Variants in RB1 observed in about 807,000 individuals in gnomAD.
RB1 encodes RB transcriptional corepressor 1.
A neutral mutation model predicts 135.4 loss-of-function variants in RB1; 18 were observed. The ratio of observed to expected loss-of-function variants is 0.13; its 90% CI spans 0.09 to 0.20. The LOEUF (loss-of-function observed/expected upper bound fraction) is 0.20, where lower values mean the gene tolerates loss of function less well. Ranked by LOEUF, RB1 falls within the 10% of genes least tolerant of loss-of-function variation. The pLI, the probability that RB1 is intolerant of heterozygous loss-of-function variation, is 1.00. For synonymous variants in RB1, 365 were observed against 373.2 expected (o/e 0.98, Z 0.25); for missense variants, 868 against 1,110.0 (o/e 0.78, Z 3.10).
intron 17 of RB1, among the ~76,000 whole-genome samples, chr13:48,420,566 G>T (rs147111726): frequency 1.3e-5 from 2 of 152,138 alleles, no homozygotes; most frequent in Non-Finnish European, 2.9e-5. Flanking sequence ...GAAATAAAGC[G>T]TATTCAAGTA....
chr13:48,376,882 A>G (rs1438530409), intron 12 of RB1, 36 bp from the exon 13 acceptor site: 2 of 1,612,268 alleles, frequency 1.2e-6, no homozygotes, highest in South Asian at 1.1e-5. Flanking sequence ...ATTACACAGT[A>G]TCCTCGACAT....
At chr13:48,345,462 T>G (rs1258003486) in intron 4 of RB1, among the ~76,000 whole-genome samples, 2 of 152,212 alleles carry the variant, frequency 1.3e-5, no homozygotes, top group African/African-American at 4.8e-5. Flanking sequence ...ATCTCCCATT[T>G]TAGCCTTCTT....
Position 48,476,929 on chromosome 13 carries a change from A to G in RB1, c.2663+86A>G, listed in dbSNP as rs1949508111. 2.0e-6 allele frequency: 3 copies of G among 1,512,952 alleles called. No homozygotes were observed. In the Admixed American group the frequency reaches 5.0e-5, roughly 25 times the overall value. The allele number at this position is 1,512,952 out of a possible 1,614,324, so 93.7% of individuals were successfully genotyped here. On this transcript the variant is annotated intron_variant, in intron 25 of 26. Transcript: ENST00000267163. ...CTCAGCACTGCTCCTGGCTTATACC[A>G]ATTTCTTTCATGCCAAGTTTATTTG...
At chr13:48,362,303 A>G (rs909147741) in intron 7 of RB1, among the ~76,000 whole-genome samples, 1 of 62,218 alleles carries the variant, frequency 1.6e-5, no homozygotes, top group Admixed American at 2.0e-4. Context: ...AATGCTGAAA[A>G]TAATCCAGGA....
intron 17 of RB1, among the ~76,000 whole-genome samples, chr13:48,433,137 AT>A (rs1949147056): frequency 2.0e-5 from 3 of 152,168 alleles, no homozygotes; most frequent in Non-Finnish European, 1.5e-5. Flanking sequence ...TGATATGAAC[AT>A]ACATGTAAGC....
At chr13:48,380,820 CTG>C (rs1401314328) in intron 16 of RB1, among the ~76,000 whole-genome samples, 4 of 152,040 alleles carry the variant, frequency 2.6e-5, no homozygotes, top group Non-Finnish European at 5.9e-5. Flanking sequence ...ATAAGGAAAA[CTG>C]TGAATCCTCA....
intron 2 of RB1, among the ~76,000 whole-genome samples, chr13:48,320,766 G>C (rs1952227997): frequency 6.6e-6 from 1 of 152,038 alleles, no homozygotes; most frequent in Admixed American, 6.5e-5. Flanking sequence ...GGAAGGTGGA[G>C]GTTGCAGTGA....
In RB1 at chr13:48,368,444, G is replaced by A. The variant is rs1952725665; in HGVS notation, c.1050-83G>A. 5 of 1,544,660 alleles carry A rather than the reference G, an allele frequency of 3.2e-6. No homozygotes were observed. In the South Asian group the frequency reaches 3.5e-5, roughly 11 times the overall value. On this transcript the variant is annotated intron_variant, in intron 10 of 26. Coordinates refer to ENST00000267163, the MANE Select transcript of RB1 (RefSeq NM_000321.3). ...TTTTATATGATTTTATGAGACAACA[G>A]AAGCATTATACTGCTTTTTTGATGC... is the stretch of plus-strand genomic sequence containing the variant.
At chr13:48,477,291 C>A (rs889672329) in intron 25 of RB1, 64 bp from the exon 26 acceptor site, 1 of 1,194,450 alleles carries the variant, frequency 8.4e-7, no homozygotes, top group Non-Finnish European at 1.2e-6. Flanking sequence ...ATCATAGTTA[C>A]TGGAAATTTG....
At chr13:48,339,843 G>C (rs556426160) in intron 2 of RB1, among the ~76,000 whole-genome samples, 31 of 152,278 alleles carry the variant, frequency 2.0e-4, no homozygotes, top group African/African-American at 7.5e-4. Flanking sequence ...ATGATGAGAA[G>C]TGAATCCAAT....
At chr13:48,461,101 CCAT>C (rs1191572263) in intron 20 of RB1, among the ~76,000 whole-genome samples, 2 of 152,074 alleles carry the variant, frequency 1.3e-5, no homozygotes, top group African/African-American at 2.4e-5. Flanking sequence ...ACAAACATCA[CCAT>C]AATCAATTTT....
chr13:48,434,945 A>G (rs959943631), intron 17 of RB1, among the ~76,000 whole-genome samples: 1 of 152,200 alleles, frequency 6.6e-6, no homozygotes, highest in African/African-American at 2.4e-5. Context: ...AATGTACTAC[A>G]GTTTCTTTGG....
At chr13:48,453,684 C>T (rs904397694) in intron 18 of RB1, among the ~76,000 whole-genome samples, 3 of 152,144 alleles carry the variant, frequency 2.0e-5, no homozygotes, top group Non-Finnish European at 4.4e-5. Context: ...AGATCTGTGC[C>T]TTTCTCCAGT....
At chr13:48,423,630 G>A (rs1949039773) in intron 17 of RB1, among the ~76,000 whole-genome samples, 1 of 152,006 alleles carries the variant, frequency 6.6e-6, no homozygotes, top group Admixed American at 6.6e-5. Context: ...TAAAAGTTTC[G>A]AAGGCCATAA....
At chr13:48,336,282 C>G (rs925741190) in intron 2 of RB1, among the ~76,000 whole-genome samples, 2 of 152,164 alleles carry the variant, frequency 1.3e-5, no homozygotes, top group African/African-American at 4.8e-5. Flanking sequence ...CTTTGTACCT[C>G]TGGTAGAATT....
intron 19 of RB1, among the ~76,000 whole-genome samples, chr13:48,458,386 T>C (rs1273599779): frequency 6.6e-6 from 1 of 152,194 alleles, no homozygotes; most frequent in Non-Finnish European, 1.5e-5. Flanking sequence ...TGAAAGACAG[T>C]AAAAGGTCAT....
intron 17 of RB1, chr13:48,408,896 C>T (rs1948763559): frequency 6.6e-6 from 1 of 152,070 alleles, no homozygotes; most frequent in Admixed American, 6.5e-5. Context: ...GATCTTTAAG[C>T]TGAGGAGAGT....
chr13:48,463,842 A>C lies in RB1; in HGVS notation c.2211+7A>C. The C allele has an allele frequency of 6.5e-7, 1 of 1,542,656 alleles. No individual in the cohort carries two copies. The highest frequency in any genetic ancestry group is 9.0e-7 in the Non-Finnish European group (1 of 1,115,326). ...TCCTCATGCTGTTCAGGAGGTAGGTAATTTTCCATAGTAAGTTTTTTTGAT... is the reference window on the plus strand; with the variant it reads ...TCCTCATGCTGTTCAGGAGGTAGGTCATTTTCCATAGTAAGTTTTTTTGAT... On this transcript the variant is annotated splice_region_variant and intron_variant, in intron 21 of 26. Transcript: ENST00000267163.
intron 17 of RB1, among the ~76,000 whole-genome samples, chr13:48,402,379 C>CTTTTTTTTTTTTTT (rs545934425): frequency 8.0e-6 from 1 of 125,726 alleles, no homozygotes; most frequent in Non-Finnish European, 1.6e-5. Context: ...TGTAGAAAAC[C>CTTTTTTTTTTTTTT]TTTTTTTTTT....
Sources: allele counts gnomAD v4.1 joint callset (sites outside exome capture counted in the v4.1 genomes callset), GRCh38; gene constraint gnomAD v4.1.1; transcripts MANE v1.5; gene names NCBI Gene and HGNC (gene_info 2026-07-23, HGNC 2026-07-21).